SNX14: variants seen among roughly 807,000 people sequenced by gnomAD.
The protein encoded by SNX14 is sorting nexin 14.
A neutral mutation model predicts 133.8 loss-of-function variants in SNX14; 93 were observed. That is an observed-to-expected ratio of 0.70 (90% CI 0.59 to 0.83). The LOEUF is 0.83. SNX14 is among the 40% of genes least tolerant of loss of function. The probability of loss-of-function intolerance (pLI) is 0.00; values close to 1 mark genes in which losing one functional copy is unlikely to be tolerated. For synonymous variants in SNX14, 368 were observed against 365.6 expected, an observed-to-expected ratio of 1.01 and a Z score of -0.07; for missense variants, 945 against 1,094.9, an observed-to-expected ratio of 0.86 and a Z score of 1.93.
chr6:85,549,774 A>C lies in SNX14; in HGVS notation c.740T>G (p.Leu247Arg). 6.2e-7 allele frequency: 1 copy of C among 1,613,962 alleles called. No individual in the cohort carries two copies. The highest frequency in any genetic ancestry group is 8.5e-7 in the Non-Finnish European group (1 of 1,179,918). Reference sequence around the variant, plus strand: ...AATATAAGGAAAAAGCAGTTCAGTAAGTTTCCTTAAATAGTGCAATTCATC... The same window carrying C: ...AATATAAGGAAAAAGCAGTTCAGTACGTTTCCTTAAATAGTGCAATTCATC... The part of the protein sequence containing the change: ...RRDELHYLRK[L>R]TELLFPYILP... Residue 247 changes from leucine to arginine, a missense_variant, in exon 8 of 29, where the codon CTT (leucine) becomes CGT (arginine). Transcript: ENST00000314673.
chr6:85,523,630 G>T (rs1582597614), intron 21 of SNX14, among the ~76,000 whole-genome samples: 1 of 152,064 alleles, frequency 6.6e-6, no homozygotes, highest in Non-Finnish European at 1.5e-5. Flanking sequence ...AAATTATCTG[G>T]GTGTGGTGGT....
chr6:85,572,724 C>T (rs1042225060), intron 2 of SNX14, among the ~76,000 whole-genome samples: 8 of 152,084 alleles, frequency 5.3e-5, no homozygotes, highest in South Asian at 2.1e-4. Flanking sequence ...TGGGAGACCG[C>T]GGTGAGTGGA....
intron 16 of SNX14, 150 bp from the exon 17 acceptor site, chr6:85,537,074 G>A (rs933902331): frequency 6.2e-5 from 42 of 675,468 alleles, no homozygotes; most frequent in Non-Finnish European, 8.7e-5. Context: ...TTCATACACG[G>A]ATTAAGTATC....
At chr6:85,583,608 C>G (rs1278222088) in intron 1 of SNX14, among the ~76,000 whole-genome samples, 1 of 152,134 alleles carries the variant, frequency 6.6e-6, no homozygotes, top group Non-Finnish European at 1.5e-5. Flanking sequence ...ACACCAATAA[C>G]AGACTAACAG....
chr6:85,541,279 C>G (rs528514960), intron 15 of SNX14, among the ~76,000 whole-genome samples: 102 of 152,318 alleles, frequency 6.7e-4, no homozygotes, highest in African/African-American at 2.2e-3. Flanking sequence ...AGGCGTGAGC[C>G]ACCGTGCCCG....
At chr6:85,561,041 A>G (rs1404428228) in intron 6 of SNX14, among the ~76,000 whole-genome samples, 2 of 150,696 alleles carry the variant, frequency 1.3e-5, no homozygotes, top group African/African-American at 2.4e-5. Flanking sequence ...CTTAAAAAAA[A>G]AAAAAAAAAA....
chr6:85,588,692 C>A (rs1287743853), intron 1 of SNX14, among the ~76,000 whole-genome samples: 4 of 152,166 alleles, frequency 2.6e-5, no homozygotes, highest in Non-Finnish European at 5.9e-5. Context: ...TTTTACTCCC[C>A]CAAAACTTAA....
chr6:85,567,458 A>G, intron 5 of SNX14, 76 bp downstream of exon 5: 1 of 1,087,496 alleles, frequency 9.2e-7, no homozygotes, highest in Non-Finnish European at 1.3e-6. Context: ...TCTACATGAA[A>G]AACATGTCAT....
intron 1 of SNX14, among the ~76,000 whole-genome samples, chr6:85,577,430 A>G (rs992548340): frequency 6.6e-6 from 1 of 151,936 alleles, no homozygotes; most frequent in Non-Finnish European, 1.5e-5. Flanking sequence ...AAATAAATAC[A>G]TAAAAGCAAG....
Position 85,534,827 on chromosome 6 carries a change from G to T in SNX14, c.1609-1027C>A, listed in dbSNP as rs937964551. On this transcript the variant is annotated intron_variant, in intron 17 of 28. Transcript: ENST00000314673. ...AATGTAGTCTACAGGGGTGAAAAGGGAAAGTTTTTTTTTTTTTTTTTAAAG... is the reference window on the plus strand; with the variant it reads ...AATGTAGTCTACAGGGGTGAAAAGGTAAAGTTTTTTTTTTTTTTTTTAAAG... Among the ~76,000 whole-genome samples, 31 of 79,496 alleles carry T rather than the reference G, an allele frequency of 3.9e-4. No homozygotes were observed. In the East Asian group the frequency reaches 9.7e-3, roughly 25 times the overall value. 52.2% of individuals were successfully genotyped at this position (79,496 alleles called of 152,430 possible).
intron 7 of SNX14, among the ~76,000 whole-genome samples, chr6:85,557,143 A>G (rs1453546633): frequency 2.0e-5 from 3 of 152,240 alleles, no homozygotes; most frequent in African/African-American, 7.2e-5. Flanking sequence ...TTCTGGTCAT[A>G]TGGTCATGTG....
chr6:85,510,290 A>T (rs1486691200), intron 26 of SNX14, among the ~76,000 whole-genome samples: 5 of 152,188 alleles, frequency 3.3e-5, no homozygotes, highest in African/African-American at 7.2e-5. Flanking sequence ...TTCACCAGCA[A>T]ATGGTGGTGT....
intron 1 of SNX14, among the ~76,000 whole-genome samples, chr6:85,578,777 G>C (rs1211515264): frequency 6.6e-6 from 1 of 152,206 alleles, no homozygotes; most frequent in African/African-American, 2.4e-5. Context: ...AAGAAGCAGG[G>C]ACAGTGTGAC....
intron 17 of SNX14, among the ~76,000 whole-genome samples, chr6:85,535,090 A>G (rs1781503294): frequency 6.7e-6 from 1 of 148,540 alleles, no homozygotes; most frequent in South Asian, 2.1e-4. Context: ...GTACAGTGAC[A>G]CAAACATGGC....
chr6:85,593,482 C>T (rs1334378639), intron 1 of SNX14, 97 bp downstream of exon 1: 1 of 1,466,268 alleles, frequency 6.8e-7, no homozygotes. Flanking sequence ...GTCCCCAGTC[C>T]CGCAGCTACG....
intron 4 of SNX14, among the ~76,000 whole-genome samples, chr6:85,570,584 G>T (rs890828504): frequency 1.3e-4 from 20 of 152,006 alleles, no homozygotes; most frequent in Non-Finnish European, 1.0e-4. Context: ...TCCAGGCGCA[G>T]TGGCTGACTC....
rs1375839774 is a variant in SNX14, at chr6:85,506,031, T to C, written c.2803-26A>G. The C allele has an allele frequency of 4.7e-6, 7 of 1,487,236 alleles. No homozygotes were observed. The East Asian group carries it at 1.4e-4, about 29-fold the overall frequency. The allele number at this position is 1,487,236 out of a possible 1,614,324, so 92.1% of individuals were successfully genotyped here. A position where few individuals can be genotyped will look rare whatever the true frequency, so the allele number is the denominator to read the frequency against. ...CTAAAGTAAAAATAAATCCATTTAA[T>C]AGAAGACAAGACACAGGTTCATTTG... On this transcript the variant is annotated intron_variant, in intron 28 of 28. Coordinates refer to ENST00000314673, the MANE Select transcript of SNX14 (RefSeq NM_153816.6).
At chr6:85,545,971 C>G (rs1053651282) in intron 12 of SNX14, among the ~76,000 whole-genome samples, 1 of 152,248 alleles carries the variant, frequency 6.6e-6, no homozygotes, top group African/African-American at 2.4e-5. Context: ...GCATGAGCCA[C>G]TGCGCCTTGC....
At chr6:85,559,380 C>T (rs983464126) in intron 6 of SNX14, among the ~76,000 whole-genome samples, 25 of 152,242 alleles carry the variant, frequency 1.6e-4, no homozygotes, top group African/African-American at 5.5e-4. Flanking sequence ...TCTGAGAATA[C>T]TCAGTAAGAT....
Sources: gnomAD v4.1 joint callset for allele counts (sites outside exome capture counted in the v4.1 genomes callset) on GRCh38, gnomAD v4.1.1 for gene constraint, MANE v1.5 for transcripts, NCBI Gene and HGNC (gene_info 2026-07-23, HGNC 2026-07-21) for gene names.